CUX1: variants seen among roughly 807,000 people sequenced by gnomAD.
CUX1 encodes cut like homeobox 1, also known as protein CASP.
A neutral mutation model predicts 158.8 loss-of-function variants in CUX1; 31 were observed. That is an observed-to-expected ratio of 0.20 (90% CI 0.15 to 0.26). The LOEUF is 0.26. Ranked by LOEUF, CUX1 falls within the 10% of genes least tolerant of loss-of-function variation. CUX1 has a pLI of 1.00. For synonymous variants in CUX1, 879 were observed against 862.1 expected (o/e 1.02, Z -0.34); for missense variants, 1,589 against 2,014.6 (o/e 0.79, Z 4.04).
At chr7:101,982,722 CT>C (rs911335466) in intron 2 of CUX1, among the ~76,000 whole-genome samples, 187 of 145,406 alleles carry the variant, frequency 1.3e-3, no homozygotes, top group South Asian at 2.2e-3. Context: ...CCAACAGGGA[CT>C]TTTTTTTTTT....
chr7:102,243,750 G>A (rs987736971), intron 23 of CUX1, among the ~76,000 whole-genome samples: 7 of 151,194 alleles, frequency 4.6e-5, no homozygotes, highest in Non-Finnish European at 7.4e-5. Flanking sequence ...CAGCAGGGGC[G>A]GGCTTGGTGG....
Position 102,227,582 on chromosome 7 carries a change from A to T in CUX1, c.3346A>T (p.Ile1116Phe). The change falls in exon 21 of 24, where the codon ATC becomes TTC. Residue 1116 changes from isoleucine to phenylalanine, a missense_variant. Transcript: ENST00000292535. ...LPLSGHSALS[I>F]QELVAMSPEL... ...TCTCTCCGGACACTCGGCCCTCAGCATCCAAGAATTAGTAGCCATGTCCCC... is the reference window on the plus strand; with the variant it reads ...TCTCTCCGGACACTCGGCCCTCAGCTTCCAAGAATTAGTAGCCATGTCCCC... 6.2e-7 allele frequency: 1 copy of T among 1,614,152 alleles called. No individual in the cohort carries two copies. Among genetic ancestry groups the T allele is most frequent in the Non-Finnish European group, 8.5e-7 (1 of 1,180,042 alleles).
intron 4 of CUX1, among the ~76,000 whole-genome samples, chr7:102,087,913 C>T (rs1828116048): frequency 6.6e-6 from 1 of 151,992 alleles, no homozygotes; most frequent in South Asian, 2.1e-4. Flanking sequence ...CTATAGATCT[C>T]CTTTTAACAT....
At chr7:102,130,837 C>T (rs1159686720) in intron 8 of CUX1, among the ~76,000 whole-genome samples, 1 of 152,036 alleles carries the variant, frequency 6.6e-6, no homozygotes, top group African/African-American at 2.4e-5. Context: ...TTTCTGTGAT[C>T]TTCCCACCCT....
chr7:101,966,267 T>C (rs1024635901), intron 2 of CUX1, among the ~76,000 whole-genome samples: 1 of 151,834 alleles, frequency 6.6e-6, no homozygotes. Context: ...TGTTTCAGCA[T>C]GTCACCCAGG....
intron 1 of CUX1, among the ~76,000 whole-genome samples, chr7:101,898,897 C>T (rs1801846018): frequency 6.6e-6 from 1 of 152,206 alleles, no homozygotes; most frequent in South Asian, 2.1e-4. Context: ...CGGCTAATTT[C>T]CTTTATAGTT....
chr7:102,044,108 CA>C (rs1822455646), intron 3 of CUX1, among the ~76,000 whole-genome samples: 1 of 152,092 alleles, frequency 6.6e-6, no homozygotes, highest in African/African-American at 2.4e-5. Flanking sequence ...CTTGGCCTCC[CA>C]AAGTTTTTGG....
intron 18 of CUX1, among the ~76,000 whole-genome samples, chr7:102,278,935 G>C (rs536980088): frequency 2.0e-5 from 3 of 152,026 alleles, no homozygotes; most frequent in Non-Finnish European, 4.4e-5. Context: ...AGCTACTCAG[G>C]AGGCTGAGGT....
intron 2 of CUX1, among the ~76,000 whole-genome samples, chr7:101,984,608 G>A (rs1814038933): frequency 6.6e-6 from 1 of 152,046 alleles, no homozygotes; most frequent in African/African-American, 2.4e-5. Flanking sequence ...CCACACCCTG[G>A]GTTGTGCTTG....
intron 4 of CUX1, among the ~76,000 whole-genome samples, chr7:102,073,548 AT>A (rs1337936050): frequency 6.6e-6 from 1 of 151,966 alleles, no homozygotes; most frequent in African/African-American, 2.4e-5. Context: ...CCCTAGTGAA[AT>A]TTTCCAACTG....
chr7:102,077,528 T>TAA (rs35999980), intron 4 of CUX1, among the ~76,000 whole-genome samples: 14,937 of 113,796 alleles, frequency 0.13, 1,304 homozygotes, highest in Non-Finnish European at 0.18. Flanking sequence ...CCCATCTCTT[T>TAA]AAAAAAAAAA....
At chr7:102,159,262 A>C (rs568476337) in intron 9 of CUX1, among the ~76,000 whole-genome samples, 2 of 152,050 alleles carry the variant, frequency 1.3e-5, no homozygotes, top group East Asian at 1.9e-4. Context: ...GTGTTATCCT[A>C]GGAGAGTTCC....
intron 23 of CUX1, among the ~76,000 whole-genome samples, chr7:102,239,908 G>A (rs1452037020): frequency 1.3e-5 from 2 of 152,020 alleles, no homozygotes; most frequent in Admixed American, 1.3e-4. Flanking sequence ...CACCAAGCCC[G>A]GCTAATTTTT....
At position 101,878,531 on chromosome 7, in the gene CUX1, CTGGCAA is replaced by C. The variant is rs1799393968; in HGVS notation, c.31-37583_31-37578del. 2.6e-5 allele frequency among the ~76,000 whole-genome samples: 4 copies of C among 152,286 alleles called. No individual in the cohort carries two copies. In the South Asian group the frequency reaches 6.2e-4, roughly 24 times the overall value. On this transcript the variant is annotated intron_variant, in intron 1 of 23. Transcript: ENST00000292535. ...ACAATTACTGCGTCGCTGCTGGGGT[CTGGCAA>C]AGCTCACCTTGATGCAGTTTTGTTC... is the stretch of plus-strand genomic sequence containing the variant.
At chr7:102,190,717 C>T (rs2131905588) in intron 12 of CUX1, among the ~76,000 whole-genome samples, 2 of 152,288 alleles carry the variant, frequency 1.3e-5, no homozygotes, top group Middle Eastern at 6.8e-3. Context: ...TCGAGGCTTC[C>T]TCAGGGGTTC....
intron 4 of CUX1, among the ~76,000 whole-genome samples, chr7:102,085,665 G>A (rs1162469914): frequency 6.6e-6 from 1 of 152,054 alleles, no homozygotes; most frequent in East Asian, 1.9e-4. Flanking sequence ...CCCAGTCTAG[G>A]GTATGTCTTT....
At chr7:102,026,101 C>A (rs1000376337) in intron 2 of CUX1, among the ~76,000 whole-genome samples, 4 of 151,544 alleles carry the variant, frequency 2.6e-5, no homozygotes, top group Admixed American at 6.6e-5. Context: ...ATCGCTTGAA[C>A]CCAGGAAGTT....
At chr7:101,862,028 T>C (rs921181443) in intron 1 of CUX1, among the ~76,000 whole-genome samples, 2 of 152,086 alleles carry the variant, frequency 1.3e-5, no homozygotes, top group Non-Finnish European at 2.9e-5. Context: ...AGAGATGGGG[T>C]TTCACCATGT....
At chr7:101,972,596 C>T (rs553119892) in intron 2 of CUX1, among the ~76,000 whole-genome samples, 110 of 152,308 alleles carry the variant, frequency 7.2e-4, no homozygotes, top group African/African-American at 2.6e-3. Context: ...TCCTTTTTGT[C>T]TCTGCTGGTG....
Sources: allele counts gnomAD v4.1 joint callset (sites outside exome capture counted in the v4.1 genomes callset), GRCh38; gene constraint gnomAD v4.1.1; transcripts MANE v1.5; gene names NCBI Gene and HGNC (gene_info 2026-07-23, HGNC 2026-07-21).